Variants in INPP4B observed in about 807,000 individuals in gnomAD.
INPP4B encodes inositol polyphosphate-4-phosphatase type II B.
INPP4B carries 55 observed loss-of-function variants against 122.5 expected under a neutral mutation model. That is an observed-to-expected ratio of 0.45 (90% CI 0.36 to 0.56). The LOEUF is 0.56. Among genes scored for constraint, INPP4B ranks in the 20% least tolerant of loss-of-function variants. The probability of loss-of-function intolerance (pLI) is 0.00; values close to 1 mark genes in which losing one functional copy is unlikely to be tolerated. For missense variants in INPP4B, 1,000 were observed against 1,097.7 expected, an observed-to-expected ratio of 0.91 and a Z score of 1.26; for synonymous variants, 403 against 388.7, an observed-to-expected ratio of 1.04 and a Z score of -0.43.
intron 2 of INPP4B, among the ~76,000 whole-genome samples, chr4:142,709,250 G>A (rs1762828407): frequency 6.6e-6 from 1 of 152,100 alleles, no homozygotes; most frequent in African/African-American, 2.4e-5. Context: ...AGGTGGAAAG[G>A]ACTTCCCTTG....
intron 7 of INPP4B, among the ~76,000 whole-genome samples, chr4:142,340,689 A>T (rs1462927797): frequency 6.6e-6 from 1 of 152,174 alleles, no homozygotes. Flanking sequence ...CTGGGATTAC[A>T]GGCATGAGCC....
chr4:142,417,339 C>A (rs947166610), intron 5 of INPP4B, among the ~76,000 whole-genome samples: 1 of 152,118 alleles, frequency 6.6e-6, no homozygotes, highest in Non-Finnish European at 1.5e-5. Context: ...CTTGCTCTGC[C>A]TTCCAAATTG....
intron 7 of INPP4B, among the ~76,000 whole-genome samples, chr4:142,396,420 C>T (rs559942001): frequency 6.6e-6 from 1 of 152,186 alleles, no homozygotes; most frequent in South Asian, 2.1e-4. Flanking sequence ...TGAGATACCA[C>T]TTCATACCCA....
In INPP4B at chr4:142,819,344, A is replaced by G. The variant is rs75784195; in HGVS notation, c.-254+26865T>C. On this transcript the variant is annotated intron_variant, in intron 1 of 25. Transcript: ENST00000262992. ...GTGCTGAGAAGTTTCATCCATTTCC[A>G]ACCAACTTGTAAAGATTTGTCCCTA... Among the ~76,000 whole-genome samples the G allele has an allele frequency of 4.1e-3, 629 of 152,228 alleles. 3 individuals carry two copies. Among genetic ancestry groups the G allele is most frequent in the African/African-American group, 0.014 (579 of 41,532 alleles).
intron 2 of INPP4B, among the ~76,000 whole-genome samples, chr4:142,695,692 T>C (rs564699212): frequency 6.6e-6 from 1 of 152,316 alleles, no homozygotes; most frequent in South Asian, 2.1e-4. Context: ...TTTAATAAAC[T>C]GTGCAATAGA....
At chr4:142,372,895 T>C (rs1790432912) in intron 7 of INPP4B, among the ~76,000 whole-genome samples, 1 of 152,050 alleles carries the variant, frequency 6.6e-6, no homozygotes, top group Admixed American at 6.6e-5. Context: ...TAGGAATTCA[T>C]ATGATTAAGC....
At position 142,429,204 on chromosome 4, in the gene INPP4B, A is replaced by T; in HGVS notation, c.105T>A (p.Thr35=). The change falls in exon 5 of 26, where the codon ACT becomes ACA. Residue 35 remains threonine, a synonymous_variant. Coordinates refer to ENST00000262992, the MANE Select transcript of INPP4B (RefSeq NM_001101669.3). The part of the protein sequence containing the change: ...GDCQFTSIQK[T]PNEPQLEFIL... ...TGAATTCCAACTGCGGTTCATTTGGAGTCTTCTGGATACCTATAAATAATA... is the reference window on the plus strand; with the variant it reads ...TGAATTCCAACTGCGGTTCATTTGGTGTCTTCTGGATACCTATAAATAATA... 2.6e-6 allele frequency: 4 copies of T among 1,562,712 alleles called. No homozygotes were observed. The highest frequency in any genetic ancestry group is 2.6e-6 in the Non-Finnish European group (3 of 1,138,460).
chr4:142,062,776 GACAA>G (rs1015155110), intron 25 of INPP4B, among the ~76,000 whole-genome samples: 7 of 108,674 alleles, frequency 6.4e-5, no homozygotes, highest in South Asian at 5.7e-4. Context: ...CAAACAAACA[GACAA>G]ACAAACACAA....
intron 7 of INPP4B, among the ~76,000 whole-genome samples, chr4:142,339,673 G>T (rs1778017462): frequency 6.6e-6 from 1 of 152,098 alleles, no homozygotes; most frequent in African/African-American, 2.4e-5. Context: ...TCTGAAAGGA[G>T]ACATTATTTT....
intron 2 of INPP4B, among the ~76,000 whole-genome samples, chr4:142,640,753 G>A (rs1750206728): frequency 6.6e-6 from 1 of 151,622 alleles, no homozygotes. Flanking sequence ...TAGAAAAAAG[G>A]TCAAGGGACT....
At chr4:142,640,785 A>C (rs965379425) in intron 2 of INPP4B, among the ~76,000 whole-genome samples, 3 of 152,102 alleles carry the variant, frequency 2.0e-5, no homozygotes, top group African/African-American at 7.2e-5. Context: ...TTTCAAAAAA[A>C]AAAGATAGCC....
intron 2 of INPP4B, among the ~76,000 whole-genome samples, chr4:142,619,577 A>C: frequency 6.6e-6 from 1 of 152,164 alleles, no homozygotes; most frequent in South Asian, 2.1e-4. Flanking sequence ...ACAGAACCAG[A>C]GAGTAGAATG....
intron 2 of INPP4B, among the ~76,000 whole-genome samples, chr4:142,663,597 T>G (rs926039431): frequency 6.6e-6 from 1 of 152,104 alleles, no homozygotes; most frequent in Non-Finnish European, 1.5e-5. Context: ...GGAGCAGGTC[T>G]TTTTAAAAGG....
intron 7 of INPP4B, among the ~76,000 whole-genome samples, chr4:142,385,580 T>A (rs1243217934): frequency 6.6e-6 from 1 of 152,152 alleles, no homozygotes; most frequent in African/African-American, 2.4e-5. Context: ...ATCCTGGATA[T>A]TGTCATTTTA....
At chr4:142,764,786 G>C (rs1771846112) in intron 1 of INPP4B, among the ~76,000 whole-genome samples, 1 of 151,904 alleles carries the variant, frequency 6.6e-6, no homozygotes, top group African/African-American at 2.4e-5. Flanking sequence ...GGAGGGTCTA[G>C]CATGTGTATC....
intron 2 of INPP4B, among the ~76,000 whole-genome samples, chr4:142,710,207 C>T (rs1362990674): frequency 1.3e-5 from 2 of 152,170 alleles, no homozygotes; most frequent in Non-Finnish European, 2.9e-5. Context: ...TTTATGAGCA[C>T]AGCCAATGCC....
In INPP4B at chr4:142,306,097, G is replaced by A. The variant is rs557625095; in HGVS notation, c.424-560C>T. Among the ~76,000 whole-genome samples the A allele has an allele frequency of 3.3e-5, 5 of 152,082 alleles. No individual in the cohort carries two copies. The South Asian group carries it at 1.0e-3, about 32-fold the overall frequency. On this transcript the variant is annotated intron_variant, in intron 8 of 25. Transcript: ENST00000262992. ...ATGGGACAATTTCATTCTAATACACGAAAGAAAATGGCACTTATTAAGTTA... is the reference window on the plus strand; with the variant it reads ...ATGGGACAATTTCATTCTAATACACAAAAGAAAATGGCACTTATTAAGTTA...
At chr4:142,559,398 T>A (rs550065475) in intron 2 of INPP4B, among the ~76,000 whole-genome samples, 3 of 152,246 alleles carry the variant, frequency 2.0e-5, no homozygotes, top group South Asian at 2.1e-4. Context: ...TGAATCAAGA[T>A]TCATTAAAAA....
intron 18 of INPP4B, among the ~76,000 whole-genome samples, chr4:142,129,347 G>T (rs1392061782): frequency 6.6e-6 from 1 of 152,176 alleles, no homozygotes; most frequent in African/African-American, 2.4e-5. Context: ...AAGGGCCTAT[G>T]CCTTACATCA....
Sources: gnomAD v4.1 joint callset for allele counts (sites outside exome capture counted in the v4.1 genomes callset) on GRCh38, gnomAD v4.1.1 for gene constraint, MANE v1.5 for transcripts, NCBI Gene and HGNC (gene_info 2026-07-23, HGNC 2026-07-21) for gene names.